The following FER1L6 variants were observed in gnomAD, a reference collection of about 807,000 sequenced individuals.
FER1L6 encodes fer-1 like family member 6.
Under a neutral mutation model 219.2 loss-of-function variants are expected in FER1L6, and 177 were observed. The ratio of observed to expected loss-of-function variants is 0.81; its 90% CI spans 0.71 to 0.91. The LOEUF (loss-of-function observed/expected upper bound fraction) is 0.91, where lower values mean the gene tolerates loss of function less well. FER1L6 is among the 40% of genes least tolerant of loss of function. FER1L6 has a pLI of 0.00. For missense variants in FER1L6, 2,153 were observed against 2,259.9 expected, an observed-to-expected ratio of 0.95 and a Z score of 0.96; for synonymous variants, 768 against 824.3, an observed-to-expected ratio of 0.93 and a Z score of 1.17.
At chr8:123,878,287 T>C (rs1817045521) in intron 1 of FER1L6, among the ~76,000 whole-genome samples, 2 of 152,190 alleles carry the variant, frequency 1.3e-5, no homozygotes, top group Admixed American at 6.5e-5. Context: ...TGCTCCCAAA[T>C]ACACTTTTTA....
At chr8:123,880,985 C>T (rs1313853012) in intron 1 of FER1L6, among the ~76,000 whole-genome samples, 8 of 152,184 alleles carry the variant, frequency 5.3e-5, no homozygotes, top group African/African-American at 1.9e-4. Context: ...TGCAGCTTAA[C>T]CCCAAACCCT....
intron 1 of FER1L6, among the ~76,000 whole-genome samples, chr8:123,951,727 G>T (rs1408785377): frequency 6.6e-6 from 1 of 152,218 alleles, no homozygotes; most frequent in African/African-American, 2.4e-5. Context: ...AATTTTTAAA[G>T]TTTGTAATGA....
Position 124,003,221 on chromosome 8 carries a change from C to T in FER1L6, c.1574C>T (p.Ala525Val), listed in dbSNP as rs893159235. The T allele has an allele frequency of 6.2e-7, 1 of 1,613,968 alleles. No homozygotes were observed. The highest frequency in any genetic ancestry group is 1.3e-5 in the African/African-American group (1 of 74,896). ...TCCCATCATGGGAGTAAGAAGTCAGCTGAATCAGCTGAAGAAGACCTCCTT... is the reference window on the plus strand; with the variant it reads ...TCCCATCATGGGAGTAAGAAGTCAGTTGAATCAGCTGAAGAAGACCTCCTT... ...GGSHHGSKKS[A>V]ESAEEDLLPL... Residue 525 changes from alanine (A) to valine (V), a missense_variant, in exon 13 of 41, where the codon GCT becomes GTT. Coordinates refer to ENST00000522917, the MANE Select transcript of FER1L6 (RefSeq NM_001039112.2).
chr8:123,886,107 A>T (rs749784945), intron 1 of FER1L6, among the ~76,000 whole-genome samples: 2 of 152,200 alleles, frequency 1.3e-5, no homozygotes, highest in Non-Finnish European at 2.9e-5. Flanking sequence ...CTATCAGGAC[A>T]ATATCAACTT....
Position 123,966,287 on chromosome 8 carries a change from T to C in FER1L6, c.381T>C (p.Asn127=), listed in dbSNP as rs762828352. The C allele has an allele frequency of 8.7e-6, 14 of 1,614,124 alleles. 1 individual carries two copies. The highest frequency in any genetic ancestry group is 1.7e-4 in the Middle Eastern group (1 of 6,060). ...AAGGAACCAACAGCCCATTTTATAA[T>C]GAAGTAAGTCATGGAGGTCACCCAC... ...VKEGTNSPFY[N]EYFVFDFIGP... Residue 127 remains asparagine (N), a synonymous_variant, in exon 5 of 41, where the codon AAT becomes AAC. Coordinates refer to ENST00000522917, the MANE Select transcript of FER1L6 (RefSeq NM_001039112.2).
rs530994790 is a variant in FER1L6, at chr8:123,857,315, G to A, written c.-8+5130G>A. Among the ~76,000 whole-genome samples the A allele has an allele frequency of 9.0e-4, 137 of 152,244 alleles. 1 individual carries two copies. Among genetic ancestry groups the A allele is most frequent in the African/African-American group, 3.3e-3 (136 of 41,542 alleles). ...ACTTGAGGCCAGGAGTTCAAGACCA[G>A]CATGGGTGACAGAGACTCCATATCT... On this transcript the variant is annotated intron_variant, in intron 1 of 40. Transcript: ENST00000522917.
At chr8:123,911,134 TTAGGGAAG>T (rs1414737590) in intron 1 of FER1L6, among the ~76,000 whole-genome samples, 3 of 152,090 alleles carry the variant, frequency 2.0e-5, no homozygotes, top group African/African-American at 7.2e-5. Context: ...TTGTTTGTTA[TTAGGGAAG>T]TAAAGTTCTA....
intron 11 of FER1L6, chr8:123,985,588 A>G (rs1816536239): frequency 1.9e-5 from 3 of 154,264 alleles, no homozygotes; most frequent in South Asian, 2.0e-4. Context: ...GAATGATCCA[A>G]ATTTTGACCT....
chr8:124,092,562 GA>G (rs537684834), intron 34 of FER1L6, among the ~76,000 whole-genome samples: 1 of 151,934 alleles, frequency 6.6e-6, no homozygotes, highest in South Asian at 2.1e-4. Flanking sequence ...AGGGTGAGGG[GA>G]AAAAAAATCA....
intron 20 of FER1L6, among the ~76,000 whole-genome samples, chr8:124,042,022 G>A (rs532871218): frequency 6.6e-6 from 1 of 152,262 alleles, no homozygotes; most frequent in South Asian, 2.1e-4. Context: ...TGTTGTTGTT[G>A]TAATTGAGGC....
Position 124,111,329 on chromosome 8 carries a change from C to T in FER1L6, c.5290-7515C>T, listed in dbSNP as rs1485123372. On this transcript the variant is annotated intron_variant, in intron 39 of 40. Coordinates refer to ENST00000522917, the MANE Select transcript of FER1L6 (RefSeq NM_001039112.2). The surrounding 1 kb of genome is among the most constrained non-coding windows in gnomAD (Gnocchi z 5.0). Reference sequence around the variant, plus strand: ...TTCATGCATACCAGTGGCCCATGGTCAGAGCCTTGGCTGAGCAGCGTGGAA... The same window carrying T: ...TTCATGCATACCAGTGGCCCATGGTTAGAGCCTTGGCTGAGCAGCGTGGAA... Among the ~76,000 whole-genome samples, 1 of 152,168 alleles carries T rather than the reference C, an allele frequency of 6.6e-6. No individual in the cohort carries two copies. Among genetic ancestry groups the T allele is most frequent in the Admixed American group, 6.5e-5 (1 of 15,278 alleles).
At position 123,966,275 on chromosome 8, in the gene FER1L6, C is replaced by T; in HGVS notation, c.369C>T (p.Ser123=). 1 of 1,614,108 alleles carries T rather than the reference C, an allele frequency of 6.2e-7. No homozygotes were observed. ...GCACAGTGAAGGAAGGAACCAACAG[C>T]CCATTTTATAATGAAGTAAGTCATG... ...KQSTVKEGTN[S]PFYNEYFVFD... The change falls in exon 5 of 41, where the codon AGC becomes AGT. Residue 123 remains serine, a synonymous_variant. Transcript: ENST00000522917.
chr8:124,072,049 G>A (rs762577693), intron 31 of FER1L6, among the ~76,000 whole-genome samples: 2 of 152,166 alleles, frequency 1.3e-5, no homozygotes, highest in Non-Finnish European at 2.9e-5. Flanking sequence ...AAGTTAGGCT[G>A]GCAAAACAGA....
chr8:124,079,360 T>C (rs560636277), intron 32 of FER1L6, among the ~76,000 whole-genome samples: 81 of 152,342 alleles, frequency 5.3e-4, no homozygotes, highest in African/African-American at 1.9e-3. Flanking sequence ...ATGAGATTAT[T>C]GTTTTTGCTC....
At chr8:124,068,801 T>C (rs1563779011) in intron 28 of FER1L6, among the ~76,000 whole-genome samples, 1 of 152,112 alleles carries the variant, frequency 6.6e-6, no homozygotes, top group Admixed American at 6.5e-5. Context: ...TGCTCAGCCC[T>C]AGGGGATCCA....
chr8:124,087,170 A>ATC (rs376606273), intron 33 of FER1L6, among the ~76,000 whole-genome samples: 1,704 of 149,096 alleles, frequency 0.011, 26 homozygotes, highest in African/African-American at 0.032. Flanking sequence ...TTCTACTCTG[A>ATC]TCTCTCTCTC....
intron 13 of FER1L6, among the ~76,000 whole-genome samples, chr8:124,005,361 T>C (rs1011962408): frequency 6.6e-6 from 1 of 152,236 alleles, no homozygotes; most frequent in African/African-American, 2.4e-5. Context: ...CCACAAATTC[T>C]TTCTTCTATT....
intron 33 of FER1L6, among the ~76,000 whole-genome samples, chr8:124,088,050 G>A (rs573444484): frequency 1.3e-5 from 2 of 152,280 alleles, no homozygotes; most frequent in South Asian, 4.1e-4. Context: ...CCGCTGCCTG[G>A]CTACCACCTG....
intron 1 of FER1L6, among the ~76,000 whole-genome samples, chr8:123,954,978 T>C (rs965044773): frequency 3.3e-5 from 5 of 152,256 alleles, no homozygotes; most frequent in African/African-American, 9.6e-5. Context: ...TCCAGCCCAG[T>C]TTCATCCATC....
Sources: allele counts gnomAD v4.1 joint callset (sites outside exome capture counted in the v4.1 genomes callset), GRCh38; gene constraint gnomAD v4.1.1; non-coding constraint Gnocchi (gnomAD v3.1); transcripts MANE v1.5; gene names NCBI Gene and HGNC (gene_info 2026-07-23, HGNC 2026-07-21).